The following PTPRT variants were observed in gnomAD, a reference collection of about 807,000 sequenced individuals.
PTPRT encodes the protein protein tyrosine phosphatase receptor type T.
In PTPRT, 56 loss-of-function variants were observed where a neutral mutation model predicts 176.8. That is an observed-to-expected ratio of 0.32 (90% CI 0.26 to 0.40). The LOEUF is 0.40. PTPRT is among the 10% of genes least tolerant of loss of function. The pLI, the probability that PTPRT is intolerant of heterozygous loss-of-function variation, is 1.00. For missense variants in PTPRT, 1,540 were observed against 1,908.2 expected (o/e 0.81, Z 3.60); for synonymous variants, 783 against 739.0 (o/e 1.06, Z -0.96).
At chr20:43,011,727 C>T (rs780824097) in intron 1 of PTPRT, among the ~76,000 whole-genome samples, 1 of 152,084 alleles carries the variant, frequency 6.6e-6, no homozygotes, top group Non-Finnish European at 1.5e-5. Flanking sequence ...TGGTTAATAC[C>T]GAGTGTCAAC....
intron 1 of PTPRT, among the ~76,000 whole-genome samples, chr20:43,048,177 G>A (rs559607261): frequency 6.6e-6 from 1 of 152,276 alleles, no homozygotes; most frequent in South Asian, 2.1e-4. Context: ...CTGGGCAGAG[G>A]GGGTGGGGTC....
intron 13 of PTPRT, among the ~76,000 whole-genome samples, chr20:42,258,660 A>G (rs1030760870): frequency 6.6e-6 from 1 of 152,152 alleles, no homozygotes; most frequent in Admixed American, 6.5e-5. Context: ...CTCCTTCACC[A>G]GATCTGGTTG....
chr20:42,070,566 G>A (rs1982279874), downstream of PTPRT, among the ~76,000 whole-genome samples: 2 of 151,934 alleles, frequency 1.3e-5, no homozygotes, highest in Non-Finnish European at 2.9e-5. Flanking sequence ...TACTATGGAG[G>A]TGTCAAGGAA....
At chr20:42,512,116 T>C (rs1169468715) in intron 7 of PTPRT, among the ~76,000 whole-genome samples, 1 of 152,178 alleles carries the variant, frequency 6.6e-6, no homozygotes, top group Non-Finnish European at 1.5e-5. Flanking sequence ...TAAGTAAATG[T>C]TTAAATTATC....
intron 15 of PTPRT, among the ~76,000 whole-genome samples, chr20:42,227,600 GTTTTTTTTTTTTTT>G (rs10854224): frequency 1.6e-5 from 1 of 61,868 alleles, no homozygotes; most frequent in Non-Finnish European, 2.8e-5. Flanking sequence ...GTCCCTCATT[GTTTTTTTTTTTTTT>G]TTTTTTTTTT....
chr20:42,162,555 CT>C (rs1989648668), intron 16 of PTPRT, among the ~76,000 whole-genome samples: 1 of 152,306 alleles, frequency 6.6e-6, no homozygotes, highest in South Asian at 2.1e-4. Context: ...ACCATCTAGG[CT>C]TGGTCTTCCC....
At chr20:42,210,302 A>T (rs912271006) in intron 15 of PTPRT, among the ~76,000 whole-genome samples, 23 of 152,160 alleles carry the variant, frequency 1.5e-4, no homozygotes, top group Admixed American at 2.0e-4. Context: ...GGCCAGGGCA[A>T]TGAGGCAGGA....
intron 2 of PTPRT, among the ~76,000 whole-genome samples, chr20:42,827,457 G>T (rs765319817): frequency 1.3e-5 from 2 of 152,022 alleles, no homozygotes; most frequent in Non-Finnish European, 2.9e-5. Context: ...ATAAGTTTTG[G>T]ATAAAAAAAA....
At chr20:42,473,843 T>C (rs1487677603) in intron 7 of PTPRT, among the ~76,000 whole-genome samples, 1 of 152,144 alleles carries the variant, frequency 6.6e-6, no homozygotes, top group East Asian at 1.9e-4. Flanking sequence ...GAAATTCTTG[T>C]GTCAGACTTT....
chr20:42,711,019 C>G (rs1321934764), intron 6 of PTPRT, among the ~76,000 whole-genome samples: 1 of 152,234 alleles, frequency 6.6e-6, no homozygotes, highest in African/African-American at 2.4e-5. Context: ...CCCTTTTCTT[C>G]GGGCCAATTT....
chr20:42,826,135 G>GGGT (rs2077988578), intron 2 of PTPRT, among the ~76,000 whole-genome samples: 1 of 151,968 alleles, frequency 6.6e-6, no homozygotes, highest in African/African-American at 2.4e-5. Flanking sequence ...AGCTGAGAGG[G>GGGT]GGTAAGTCAC....
intron 2 of PTPRT, among the ~76,000 whole-genome samples, chr20:42,881,830 A>G (rs1339290775): frequency 6.6e-6 from 1 of 152,134 alleles, no homozygotes; most frequent in African/African-American, 2.4e-5. Flanking sequence ...GAGAAGGAAC[A>G]AGGAACAATA....
At chr20:43,107,023 C>G (rs2012644754) in intron 1 of PTPRT, among the ~76,000 whole-genome samples, 1 of 152,134 alleles carries the variant, frequency 6.6e-6, no homozygotes, top group Non-Finnish European at 1.5e-5. Flanking sequence ...CTCCCAATCT[C>G]AGGTGATCCG....
At chr20:42,173,127 C>A (rs562359649) in intron 16 of PTPRT, among the ~76,000 whole-genome samples, 1 of 152,230 alleles carries the variant, frequency 6.6e-6, no homozygotes, top group Non-Finnish European at 1.5e-5. Flanking sequence ...CAGTGACTAG[C>A]GGTTATTATT....
chr20:42,601,604 A>G (rs977348000), intron 7 of PTPRT, among the ~76,000 whole-genome samples: 1 of 152,204 alleles, frequency 6.6e-6, no homozygotes, highest in African/African-American at 2.4e-5. Context: ...ATAGTCTACT[A>G]TAAGAGTTCG....
intron 7 of PTPRT, among the ~76,000 whole-genome samples, chr20:42,533,065 A>C (rs2072413869): frequency 6.6e-6 from 1 of 152,092 alleles, no homozygotes; most frequent in East Asian, 1.9e-4. Context: ...AATGATCCTA[A>C]ATGGCCTCTA....
chr20:43,157,261 G>C (rs1372422499), intron 1 of PTPRT, among the ~76,000 whole-genome samples: 2 of 152,054 alleles, frequency 1.3e-5, no homozygotes, highest in East Asian at 3.9e-4. Flanking sequence ...TTGGGGAGGG[G>C]GTGGAGGCAG....
At chr20:42,446,857 GT>G (rs2070742213) in intron 9 of PTPRT, among the ~76,000 whole-genome samples, 1 of 152,090 alleles carries the variant, frequency 6.6e-6, no homozygotes, top group South Asian at 2.1e-4. Context: ...ATGGATGTCT[GT>G]TTCCTCCTTC....
At chr20:42,285,063 T>G (rs897388939) in intron 12 of PTPRT, among the ~76,000 whole-genome samples, 1 of 152,020 alleles carries the variant, frequency 6.6e-6, no homozygotes, top group Non-Finnish European at 1.5e-5. Context: ...AAATCTTGCA[T>G]ATGACAATTA....
Sources: allele counts gnomAD v4.1 joint callset (sites outside exome capture counted in the v4.1 genomes callset), GRCh38; gene constraint gnomAD v4.1.1; transcripts MANE v1.5; gene names NCBI Gene and HGNC (gene_info 2026-07-23, HGNC 2026-07-21).